The following MATN2 variants were observed in gnomAD, a reference collection of about 807,000 sequenced individuals.
MATN2 encodes the protein matrilin 2.
In MATN2, 69 loss-of-function variants were observed where a neutral mutation model predicts 103.2. The observed-to-expected ratio is 0.67, with a 90% CI of 0.55 to 0.82. The LOEUF (loss-of-function observed/expected upper bound fraction) is 0.82. Among genes scored for constraint, MATN2 ranks in the 40% least tolerant of loss-of-function variants. The pLI, the probability that MATN2 is intolerant of heterozygous loss-of-function variation, is 0.00. For synonymous variants in MATN2, 429 were observed against 450.2 expected (o/e 0.95, Z 0.60); for missense variants, 1,023 against 1,211.5 (o/e 0.84, Z 2.31).
At chr8:97,896,552 G>C (rs371060705) in intron 2 of MATN2, among the ~76,000 whole-genome samples, 1 of 152,124 alleles carries the variant, frequency 6.6e-6, no homozygotes, top group East Asian at 1.9e-4. Flanking sequence ...CAGAACAGTG[G>C]GCTGGGCAGG....
chr8:97,954,858 A>G (rs1382319676), intron 4 of MATN2, among the ~76,000 whole-genome samples: 1 of 152,236 alleles, frequency 6.6e-6, no homozygotes, highest in Non-Finnish European at 1.5e-5. Flanking sequence ...CAAATTAAGC[A>G]TTAAATTATA....
chr8:97,880,428 C>T (rs567282810), intron 1 of MATN2, among the ~76,000 whole-genome samples: 1 of 152,286 alleles, frequency 6.6e-6, no homozygotes, highest in South Asian at 2.1e-4. Context: ...TATCTCTCCT[C>T]CTCTCCCAGG....
At chr8:98,024,999 G>A (rs1439072622) in intron 13 of MATN2, 1 of 152,176 alleles carries the variant, frequency 6.6e-6, no homozygotes, top group Non-Finnish European at 1.5e-5. Flanking sequence ...GCAAGTGCTA[G>A]TTTTGTTCTG....
intron 18 of MATN2, among the ~76,000 whole-genome samples, chr8:98,035,323 C>T (rs1814198679): frequency 6.6e-6 from 1 of 151,862 alleles, no homozygotes; most frequent in Admixed American, 6.6e-5. Context: ...CGCCATTGCA[C>T]TCCAACCTGG....
At chr8:97,949,665 G>C (rs1036124606) in intron 4 of MATN2, among the ~76,000 whole-genome samples, 3 of 152,098 alleles carry the variant, frequency 2.0e-5, no homozygotes, top group African/African-American at 7.2e-5. Flanking sequence ...TTACTCAAAA[G>C]AAATAAAAGT....
At position 98,009,521 on chromosome 8, in the gene MATN2, T is replaced by C. The variant is rs1255992161; in HGVS notation, c.1573+1920T>C. On this transcript the variant is annotated intron_variant, in intron 10 of 18. Transcript: ENST00000254898. ...TCTTAAGAATGTGTCACTCACCTTC[T>C]GGAAAGTTCTCTGAAGTGTGGAGGG... Among the ~76,000 whole-genome samples the C allele has an allele frequency of 2.0e-5, 3 of 152,204 alleles. No individual in the cohort carries two copies. The East Asian group carries it at 5.8e-4, about 29-fold the overall frequency.
rs1554605715 is a variant in MATN2 at position 97,945,717 on chromosome 8, A to ATATATAT, written c.835+3818_835+3819insTATATAT. 7.7e-3 allele frequency among the ~76,000 whole-genome samples: 938 copies of ATATATAT among 121,784 alleles called. 2 individuals are homozygous for ATATATAT. Among genetic ancestry groups the ATATATAT allele is most frequent in the South Asian group, 0.026 (84 of 3,294 alleles). The allele number at this position is 121,784 out of a possible 152,430, so 79.9% of individuals were successfully genotyped here. On this transcript the variant is annotated intron_variant, in intron 4 of 18. Coordinates refer to ENST00000254898, the MANE Select transcript of MATN2 (RefSeq NM_002380.5). ...CATACACACTATAGAAAAAAAAAAA[A>ATATATAT]ATATATATATATATATATAATCTCC...
chr8:97,980,393 T>A (rs1051645668), intron 6 of MATN2, among the ~76,000 whole-genome samples: 1 of 152,160 alleles, frequency 6.6e-6, no homozygotes, highest in Non-Finnish European at 1.5e-5. Flanking sequence ...TGAGTCAGTG[T>A]TCCTCATCAA....
At position 97,994,554 on chromosome 8, in the gene MATN2, C is replaced by T; in HGVS notation, c.1156C>T (p.His386Tyr). The change falls in exon 7 of 19, where the codon CAC becomes TAC. Residue 386 changes from histidine (H) to tyrosine (Y), a missense_variant. Physicochemically the swap from His to Tyr is moderately conservative, Grantham distance 83. Transcript: ENST00000254898. The stretch of plus-strand genomic sequence containing the variant: ...TAACACAGATGATTCCTATTCCTGC[C>T]ACTGCCTGAAAGGCTTTACCCTGAA... ...CVNTDDSYSC[H>Y]CLKGFTLNPD... The T allele has an allele frequency of 6.2e-7, 1 of 1,613,756 alleles. No individual in the cohort carries two copies. Among genetic ancestry groups the T allele is most frequent in the East Asian group, 2.2e-5 (1 of 44,870 alleles).
intron 1 of MATN2, among the ~76,000 whole-genome samples, chr8:97,880,849 C>G (rs1475355231): frequency 1.3e-5 from 2 of 152,160 alleles, no homozygotes; most frequent in African/African-American, 4.8e-5. Flanking sequence ...TCCCAAAGTT[C>G]TGGGATTACA....
At chr8:97,920,039 G>A (rs1402286037) in intron 2 of MATN2, among the ~76,000 whole-genome samples, 2 of 152,162 alleles carry the variant, frequency 1.3e-5, no homozygotes, top group African/African-American at 2.4e-5. Context: ...ATTGTATAAG[G>A]TATAGGGCAG....
rs539116165 is a variant in MATN2 at position 97,896,360 on chromosome 8, C to A, written c.142+8118C>A. Among the ~76,000 whole-genome samples the A allele has an allele frequency of 4.6e-5, 7 of 152,350 alleles. No homozygotes were observed. In the South Asian group the frequency reaches 1.2e-3, roughly 27 times the overall value. On this transcript the variant is annotated intron_variant, in intron 2 of 18. Transcript: ENST00000254898. ...CCCTGACATCCCTTCTATGTGGGAACCCTGATGAAATCCGCAGCTTTCCCT... is the reference window on the plus strand; with the variant it reads ...CCCTGACATCCCTTCTATGTGGGAAACCTGATGAAATCCGCAGCTTTCCCT...
At chr8:97,938,017 T>C (rs1390750855) in intron 3 of MATN2, among the ~76,000 whole-genome samples, 1 of 152,214 alleles carries the variant, frequency 6.6e-6, no homozygotes, top group Non-Finnish European at 1.5e-5. Context: ...TGCTGCCTGC[T>C]GCCCGCCAGA....
intron 13 of MATN2, among the ~76,000 whole-genome samples, chr8:98,022,077 C>A (rs1451411783): frequency 6.6e-6 from 1 of 152,080 alleles, no homozygotes; most frequent in Non-Finnish European, 1.5e-5. Context: ...CTATTTGTAG[C>A]AGCAAAAAAC....
chr8:97,979,099 C>A, intron 6 of MATN2, 91 bp downstream of exon 6: 2 of 1,404,656 alleles, frequency 1.4e-6, no homozygotes, highest in Non-Finnish European at 1.9e-6. Flanking sequence ...TATAGATTAG[C>A]AATATAATTA....
chr8:97,906,270 T>C (rs1417960046), intron 2 of MATN2, among the ~76,000 whole-genome samples: 1 of 152,180 alleles, frequency 6.6e-6, no homozygotes, highest in East Asian at 1.9e-4. Flanking sequence ...GTAAAAACTT[T>C]ATTCTGAGAA....
chr8:97,945,715 A>T (rs141341503), intron 4 of MATN2, among the ~76,000 whole-genome samples: 3,032 of 71,680 alleles, frequency 0.042, 43 homozygotes, highest in Non-Finnish European at 0.056. Context: ...GAAAAAAAAA[A>T]AAATATATAT....
chr8:98,029,688 A>G (rs757250559), intron 14 of MATN2, among the ~76,000 whole-genome samples: 2 of 152,228 alleles, frequency 1.3e-5, no homozygotes, highest in Non-Finnish European at 2.9e-5. Context: ...TGTCTTGAAG[A>G]GCCATTTTTA....
chr8:98,004,513 C>T (rs1034086613), intron 8 of MATN2, among the ~76,000 whole-genome samples: 7 of 152,128 alleles, frequency 4.6e-5, no homozygotes, highest in African/African-American at 1.7e-4. Flanking sequence ...AAAAGCAAAA[C>T]TAATAGTCGT....
Sources: gnomAD v4.1 joint callset for allele counts (sites outside exome capture counted in the v4.1 genomes callset) on GRCh38, gnomAD v4.1.1 for gene constraint, MANE v1.5 for transcripts, NCBI Gene and HGNC (gene_info 2026-07-23, HGNC 2026-07-21) for gene names.